NHSL1: variants seen among roughly 807,000 people sequenced by gnomAD.
NHSL1 encodes NHS like 1.
In NHSL1, 48 loss-of-function variants were observed where a neutral mutation model predicts 95.0. That is an observed-to-expected ratio of 0.51 (90% CI 0.40 to 0.64). NHSL1 has a LOEUF of 0.64. Ranked by LOEUF, NHSL1 falls within the 30% of genes least tolerant of loss-of-function variation. NHSL1 has a pLI of 0.00. For synonymous variants in NHSL1, 783 were observed against 833.9 expected, an observed-to-expected ratio of 0.94 and a Z score of 1.05; for missense variants, 1,971 against 2,077.7, an observed-to-expected ratio of 0.95 and a Z score of 1.00.
At chr6:138,474,660 C>CA (rs1332853111) in intron 2 of NHSL1, among the ~76,000 whole-genome samples, 3 of 152,052 alleles carry the variant, frequency 2.0e-5, no homozygotes, top group African/African-American at 7.2e-5. Context: ...ACTTATAGGT[C>CA]AAAAATGTTG....
intron 1 of NHSL1, among the ~76,000 whole-genome samples, chr6:138,660,665 C>A (rs578206341): frequency 4.7e-5 from 7 of 150,480 alleles, no homozygotes; most frequent in Non-Finnish European, 1.0e-4. Flanking sequence ...AAAAAAAATA[C>A]CACCACCAGG....
At chr6:138,580,527 T>TA (rs1229803016) in intron 1 of NHSL1, among the ~76,000 whole-genome samples, 1 of 152,110 alleles carries the variant, frequency 6.6e-6, no homozygotes, top group African/African-American at 2.4e-5. Flanking sequence ...AGCCATGACT[T>TA]ATAATACATA....
At chr6:138,639,057 TA>T (rs1784926040) in intron 1 of NHSL1, among the ~76,000 whole-genome samples, 1 of 152,212 alleles carries the variant, frequency 6.6e-6, no homozygotes. Context: ...AGCAGCTTCA[TA>T]CTTACATCAG....
chr6:138,522,565 C>G (rs1410239534), intron 1 of NHSL1, among the ~76,000 whole-genome samples: 2 of 152,188 alleles, frequency 1.3e-5, no homozygotes, highest in East Asian at 3.9e-4. Context: ...CACTTGAACC[C>G]GGGAGGCGGA....
At chr6:138,450,905 C>T (rs1399993049) in intron 3 of NHSL1, among the ~76,000 whole-genome samples, 2 of 152,168 alleles carry the variant, frequency 1.3e-5, no homozygotes, top group Non-Finnish European at 2.9e-5. Context: ...ACATGATTAG[C>T]CCATTAAGAT....
In NHSL1 at chr6:138,617,234, A is replaced by G. The variant is rs146979136; in HGVS notation, c.96+75242T>C. Among the ~76,000 whole-genome samples the G allele has an allele frequency of 2.6e-3, 401 of 152,254 alleles. 2 individuals are homozygous for G. Among genetic ancestry groups the G allele is most frequent in the African/African-American group, 8.8e-3 (367 of 41,544 alleles). On this transcript the variant is annotated intron_variant, in intron 1 of 3. Coordinates refer to the NHSL1 transcript ENST00000491526. ...ATATCATAATGACCAAGACTTACAT[A>G]TAAGGGAAAATGTTGGCTAATCAGA...
chr6:138,573,031 T>A (rs1438510272), upstream of NHSL1, among the ~76,000 whole-genome samples: 3 of 152,288 alleles, frequency 2.0e-5, no homozygotes, highest in East Asian at 5.8e-4. Flanking sequence ...TTACTGTCAC[T>A]CCTGCCTGTC....
intron 1 of NHSL1, among the ~76,000 whole-genome samples, chr6:138,557,514 G>A (rs917595844): frequency 4.6e-5 from 7 of 152,210 alleles, no homozygotes; most frequent in Admixed American, 2.0e-4. Flanking sequence ...TCCAGCAAAA[G>A]TGAAATACAA....
At position 138,538,486 on chromosome 6, in the gene NHSL1, G is replaced by A. The variant is rs551068244; in HGVS notation, c.16+7137C>T. Reference sequence around the variant, plus strand: ...CATCCTCTGGGCATCTGCCAGGCTCGTCAGCCAGGCTCCTGTGGTCCTTTG... The same window carrying A: ...CATCCTCTGGGCATCTGCCAGGCTCATCAGCCAGGCTCCTGTGGTCCTTTG... On this transcript the variant is annotated intron_variant, in intron 1 of 4. Transcript: ENST00000342260. Among the ~76,000 whole-genome samples the A allele has an allele frequency of 1.4e-4, 22 of 152,274 alleles. No individual in the cohort carries two copies. The East Asian group carries it at 1.7e-3, about 12-fold the overall frequency.
intron 1 of NHSL1, among the ~76,000 whole-genome samples, chr6:138,544,706 T>C (rs1237670783): frequency 6.6e-6 from 1 of 152,160 alleles, no homozygotes; most frequent in Non-Finnish European, 1.5e-5. Flanking sequence ...CTGAAAGATA[T>C]GAACAGAACA....
chr6:138,563,295 T>G (rs1783482606), intron 1 of NHSL1, among the ~76,000 whole-genome samples: 1 of 152,232 alleles, frequency 6.6e-6, no homozygotes, highest in African/African-American at 2.4e-5. Context: ...AGCTTATGGA[T>G]AGGTCGACTG....
At chr6:138,595,304 T>C (rs1474234234) in intron 1 of NHSL1, among the ~76,000 whole-genome samples, 1 of 152,236 alleles carries the variant, frequency 6.6e-6, no homozygotes, top group African/African-American at 2.4e-5. Flanking sequence ...CTGGGTACAG[T>C]GGCTCATGCC....
At chr6:138,594,729 A>G (rs1335972855) in intron 1 of NHSL1, among the ~76,000 whole-genome samples, 1 of 152,200 alleles carries the variant, frequency 6.6e-6, no homozygotes, top group African/African-American at 2.4e-5. Flanking sequence ...TGACAAGGAA[A>G]GGGCTACATA....
intron 1 of NHSL1, among the ~76,000 whole-genome samples, chr6:138,629,618 G>A (rs1344353754): frequency 6.6e-6 from 1 of 152,100 alleles, no homozygotes; most frequent in Non-Finnish European, 1.5e-5. Flanking sequence ...CCTGACCTCA[G>A]GTGATCCACC....
At chr6:138,463,572 C>T (rs577673088) in intron 3 of NHSL1, among the ~76,000 whole-genome samples, 27 of 149,128 alleles carry the variant, frequency 1.8e-4, no homozygotes, top group Non-Finnish European at 3.5e-4. Context: ...ATGAGCTGAA[C>T]GTGCAGGTTT....
chr6:138,529,695 C>T (rs1215053491), intron 1 of NHSL1, among the ~76,000 whole-genome samples: 1 of 152,200 alleles, frequency 6.6e-6, no homozygotes, highest in Non-Finnish European at 1.5e-5. Context: ...CTCCCTCTAT[C>T]TTCAAGCCAG....
At chr6:138,584,555 G>A (rs1375845725) in intron 1 of NHSL1, among the ~76,000 whole-genome samples, 1 of 152,162 alleles carries the variant, frequency 6.6e-6, no homozygotes, top group Non-Finnish European at 1.5e-5. Context: ...TTTTGTTACA[G>A]TCTTAAAGTA....
intron 5 of NHSL1, among the ~76,000 whole-genome samples, chr6:138,437,317 T>TATATAC (rs1776183621): frequency 4.7e-5 from 1 of 21,360 alleles, no homozygotes; most frequent in African/African-American, 1.4e-4. Flanking sequence ...TATATATATA[T>TATATAC]ATACACACAC....
intron 1 of NHSL1, among the ~76,000 whole-genome samples, chr6:138,523,627 GAAAAAAAAAAAA>G (rs67335375): frequency 0.024 from 1,544 of 65,020 alleles, 60 homozygotes; most frequent in African/African-American, 0.081. Flanking sequence ...TTTTAAAGAG[GAAAAAAAAAAAA>G]AAAAAAAAAA....
Sources: allele counts gnomAD v4.1 joint callset (sites outside exome capture counted in the v4.1 genomes callset), GRCh38; gene constraint gnomAD v4.1.1; transcripts MANE v1.5; gene names NCBI Gene and HGNC (gene_info 2026-07-23, HGNC 2026-07-21).